NHEJ1: variants seen among roughly 807,000 people sequenced by gnomAD.
NHEJ1 encodes non-homologous end-joining factor 1.
A neutral mutation model predicts 39.4 loss-of-function variants in NHEJ1; 22 were observed. The ratio of observed to expected loss-of-function variants is 0.56; its 90% CI spans 0.40 to 0.80. The LOEUF (loss-of-function observed/expected upper bound fraction) is 0.80. NHEJ1 is among the 30% of genes least tolerant of loss of function. The pLI, the probability that NHEJ1 is intolerant of heterozygous loss-of-function variation, is 0.00. For synonymous variants in NHEJ1, 154 were observed against 135.6 expected, an observed-to-expected ratio of 1.14 and a Z score of -0.94; for missense variants, 329 against 357.1, an observed-to-expected ratio of 0.92 and a Z score of 0.63.
rs760691001 is a variant in NHEJ1 at position 219,075,120 on chromosome 2, T to C, written c.*1261A>G. ...TTCATTAGTGTATATAATAATGCTG[T>C]TAAGAACTCAGCTGTCTGGGCTTAA... On this transcript the variant is annotated 3_prime_UTR_variant, in exon 8 of 8. Coordinates refer to ENST00000356853, the MANE Select transcript of NHEJ1 (RefSeq NM_024782.3). Among the ~76,000 whole-genome samples, 3 of 152,216 alleles carry C rather than the reference T, an allele frequency of 2.0e-5. No homozygotes were observed. Among genetic ancestry groups the C allele is most frequent in the Non-Finnish European group, 4.4e-5 (3 of 68,036 alleles).
rs779669166 is a variant in NHEJ1 at position 219,148,151 on chromosome 2, C to T, written c.391-356G>A. On this transcript the variant is annotated intron_variant, in intron 3 of 7. Transcript: ENST00000356853. Reference sequence around the variant, plus strand: ...GCAGAAGCTTGTAATCCCAGCCACTCGAGAGGCTGAGGCACAAGAATTGTT... The same window carrying T: ...GCAGAAGCTTGTAATCCCAGCCACTTGAGAGGCTGAGGCACAAGAATTGTT... Among the ~76,000 whole-genome samples the T allele has an allele frequency of 4.4e-4, 67 of 152,094 alleles. 1 individual carries two copies. The highest frequency in any genetic ancestry group is 3.2e-3 in the Middle Eastern group (1 of 316).
chr2:219,148,399 AT>A (rs1452049440), intron 3 of NHEJ1, among the ~76,000 whole-genome samples: 1 of 152,066 alleles, frequency 6.6e-6, no homozygotes, highest in African/African-American at 2.4e-5. Context: ...CCAAAAAAAA[AT>A]TTTTTAACAT....
intron 5 of NHEJ1, among the ~76,000 whole-genome samples, chr2:219,136,637 CTGT>C (rs1949631425): frequency 6.6e-6 from 1 of 151,262 alleles, no homozygotes; most frequent in African/African-American, 2.4e-5. Flanking sequence ...GAGTCTTGCT[CTGT>C]TGCCCAGGCT....
At chr2:219,136,530 C>A (rs1209847843) in intron 5 of NHEJ1, among the ~76,000 whole-genome samples, 1 of 152,064 alleles carries the variant, frequency 6.6e-6, no homozygotes, top group Non-Finnish European at 1.5e-5. Flanking sequence ...CTCTGGTGAT[C>A]CACCCACCTC....
chr2:219,118,379 A>T (rs1357231750), intron 5 of NHEJ1, among the ~76,000 whole-genome samples: 1 of 121,734 alleles, frequency 8.2e-6, no homozygotes, highest in Non-Finnish European at 1.8e-5. Flanking sequence ...ATGGACACTA[A>T]GGAATTCTCC....
At chr2:219,123,546 G>A (rs1250688714) in intron 5 of NHEJ1, among the ~76,000 whole-genome samples, 1 of 152,166 alleles carries the variant, frequency 6.6e-6, no homozygotes, top group Non-Finnish European at 1.5e-5. Flanking sequence ...CTGGGTCTAA[G>A]TTCAAAATCT....
chr2:219,103,537 A>C (rs1949286851), intron 5 of NHEJ1, among the ~76,000 whole-genome samples: 1 of 152,180 alleles, frequency 6.6e-6, no homozygotes, highest in South Asian at 2.1e-4. Flanking sequence ...CGGCCTCCCA[A>C]AGTGCTGGGA....
intron 5 of NHEJ1, among the ~76,000 whole-genome samples, chr2:219,095,033 C>T (rs1949193192): frequency 1.3e-5 from 2 of 152,304 alleles, no homozygotes; most frequent in African/African-American, 2.4e-5. Flanking sequence ...CCCACTCCAT[C>T]CCAAAGGCCA....
At chr2:219,132,103 C>T (rs181316718) in intron 5 of NHEJ1, among the ~76,000 whole-genome samples, 3 of 152,308 alleles carry the variant, frequency 2.0e-5, no homozygotes, top group Admixed American at 1.3e-4. Flanking sequence ...CTTCAAAATT[C>T]CGTGGCTCTA....
At chr2:219,153,695 G>GT (rs1156943291) in intron 3 of NHEJ1, among the ~76,000 whole-genome samples, 1 of 102,982 alleles carries the variant, frequency 9.7e-6, no homozygotes, top group Non-Finnish European at 2.3e-5. Context: ...AAAGAAAAGG[G>GT]GGGGGGGGTG....
At chr2:219,100,769 G>A (rs926667976) in intron 5 of NHEJ1, among the ~76,000 whole-genome samples, 18 of 152,168 alleles carry the variant, frequency 1.2e-4, no homozygotes, top group African/African-American at 2.4e-4. Context: ...CTGGACCCAC[G>A]AAGCTAACCA....
intron 5 of NHEJ1, among the ~76,000 whole-genome samples, chr2:219,080,706 C>G (rs992734052): frequency 1.5e-5 from 2 of 133,224 alleles, no homozygotes; most frequent in African/African-American, 5.3e-5. Context: ...TATATATATG[C>G]TAATATATAT....
At position 219,159,590 on chromosome 2, in the gene NHEJ1, T is replaced by TGC. The variant is rs773444994; in HGVS notation, c.-1+1129_-1+1130insGC. 1.0e-3 allele frequency among the ~76,000 whole-genome samples: 107 copies of TGC among 102,180 alleles called. 6 individuals are homozygous for TGC. Among genetic ancestry groups the TGC allele is most frequent in the East Asian group, 9.5e-3 (37 of 3,900 alleles). 67.0% of individuals were successfully genotyped at this position (102,180 alleles called of 152,430 possible). On this transcript the variant is annotated intron_variant, in intron 1 of 7. Coordinates refer to ENST00000356853, the MANE Select transcript of NHEJ1 (RefSeq NM_024782.3). ...ATATATATATGCATATATATATGCA[T>TGC]ATATATATATGCATATATATACATA...
chr2:219,096,703 T>C (rs989453986), intron 5 of NHEJ1, among the ~76,000 whole-genome samples: 1 of 152,094 alleles, frequency 6.6e-6, no homozygotes, highest in Non-Finnish European at 1.5e-5. Context: ...GGGGCACAAG[T>C]GTTGGGAGCA....
intron 5 of NHEJ1, among the ~76,000 whole-genome samples, chr2:219,083,649 A>G (rs528317486): frequency 5.9e-5 from 9 of 152,176 alleles, no homozygotes; most frequent in Non-Finnish European, 1.3e-4. Flanking sequence ...TCAGGCACTG[A>G]GGGATCAAGA....
At chr2:219,130,031 T>C (rs944643601) in intron 5 of NHEJ1, among the ~76,000 whole-genome samples, 6 of 148,076 alleles carry the variant, frequency 4.1e-5, no homozygotes, top group African/African-American at 1.2e-4. Flanking sequence ...TAATTTTATA[T>C]GGTATGTCCC....
chr2:219,159,969 G>C (rs974073331), intron 1 of NHEJ1, among the ~76,000 whole-genome samples: 1 of 152,016 alleles, frequency 6.6e-6, no homozygotes, highest in South Asian at 2.1e-4. Flanking sequence ...AGGAGTAACG[G>C]GCCCTATAAA....
chr2:219,084,344 G>C (rs1333378099), intron 5 of NHEJ1, among the ~76,000 whole-genome samples: 1 of 152,084 alleles, frequency 6.6e-6, no homozygotes, highest in Non-Finnish European at 1.5e-5. Context: ...ATTGGGATGC[G>C]ACCCCATCAT....
At chr2:219,139,880 C>CTGA (rs563543509) in intron 5 of NHEJ1, among the ~76,000 whole-genome samples, 159 of 152,300 alleles carry the variant, frequency 1.0e-3, no homozygotes, top group Non-Finnish European at 1.9e-3. Flanking sequence ...AGGGTTTCAC[C>CTGA]GTGTTAGCCA....
Sources: gnomAD v4.1 joint callset for allele counts (sites outside exome capture counted in the v4.1 genomes callset) on GRCh38, gnomAD v4.1.1 for gene constraint, MANE v1.5 for transcripts, NCBI Gene and HGNC (gene_info 2026-07-23, HGNC 2026-07-21) for gene names.